Variants in FBXO38 observed in about 807,000 individuals in gnomAD.
The protein encoded by FBXO38 is F-box only protein 38.
A neutral mutation model predicts 131.9 loss-of-function variants in FBXO38; 53 were observed. That is an observed-to-expected ratio of 0.40 (90% confidence interval 0.32 to 0.51). The LOEUF (loss-of-function observed/expected upper bound fraction) is 0.51. Ranked by LOEUF, FBXO38 falls within the 20% of genes least tolerant of loss-of-function variation. FBXO38 has a pLI of 0.53. For missense variants in FBXO38, 1,076 were observed against 1,475.6 expected (o/e 0.73, Z 4.44); for synonymous variants, 452 against 505.6 (o/e 0.89, Z 1.42).
chr5:148,414,080 C>T (rs2113576511), intron 9 of FBXO38, 56 bp from the exon 10 acceptor site: 3 of 1,522,596 alleles, frequency 2.0e-6, no homozygotes, highest in South Asian at 1.3e-5. Flanking sequence ...GTTGGTAACA[C>T]TCCCTAACAC....
intron 12 of FBXO38, among the ~76,000 whole-genome samples, chr5:148,421,569 A>C (rs949135536): frequency 5.3e-5 from 8 of 152,158 alleles, no homozygotes; most frequent in Non-Finnish European, 1.0e-4. Flanking sequence ...ATAACATTTC[A>C]GCTAAACAAA....
chr5:148,418,666 A>G (rs574076770), intron 12 of FBXO38, among the ~76,000 whole-genome samples: 1 of 152,324 alleles, frequency 6.6e-6, no homozygotes, highest in African/African-American at 2.4e-5. Context: ...AAAGATCTGC[A>G]CTTCAGAGGA....
chr5:148,419,383 T>TAG (rs1468165434), intron 12 of FBXO38, among the ~76,000 whole-genome samples: 20 of 152,170 alleles, frequency 1.3e-4, no homozygotes, highest in Non-Finnish European at 2.8e-4. Flanking sequence ...TAGATTTTTT[T>TAG]TTCCCGCAAA....
intron 7 of FBXO38, among the ~76,000 whole-genome samples, chr5:148,406,611 G>A (rs1274709858): frequency 6.6e-6 from 1 of 152,092 alleles, no homozygotes; most frequent in African/African-American, 2.4e-5. Flanking sequence ...ACAGTAGAGT[G>A]ATAAGACATG....
rs1408613042 is a variant in FBXO38, at chr5:148,433,414, C to G, written c.2654-10C>G. On this transcript the variant is annotated splice_polypyrimidine_tract_variant and intron_variant, in intron 15 of 21. Transcript: ENST00000340253. ...AAAATTTGGATTTTCTTTTTTTTTG[C>G]CTTTTTTAGAAGTAGCCAAAACAAA... is the stretch of plus-strand genomic sequence containing the variant. 6.3e-7 allele frequency: 1 copy of G among 1,591,844 alleles called. No individual in the cohort carries two copies. Among genetic ancestry groups the G allele is most frequent in the Non-Finnish European group, 8.5e-7 (1 of 1,170,598 alleles).
chr5:148,414,955 A>G (rs1034743106), intron 10 of FBXO38, among the ~76,000 whole-genome samples: 1 of 152,164 alleles, frequency 6.6e-6, no homozygotes, highest in Non-Finnish European at 1.5e-5. Context: ...AAAGCCTCTC[A>G]CTGACACCTA....
At chr5:148,439,538 C>T (rs1754550870) in intron 18 of FBXO38, 109 bp from the exon 19 acceptor site, 1 of 1,016,750 alleles carries the variant, frequency 9.8e-7, no homozygotes, top group Admixed American at 2.4e-5. Flanking sequence ...TTCAAATCAG[C>T]CAGAGATTTC....
chr5:148,415,957 A>G lies in FBXO38; in HGVS notation c.1294A>G (p.Ile432Val). The G allele has an allele frequency of 2.5e-6, 4 of 1,613,724 alleles. No individual in the cohort carries two copies. Among genetic ancestry groups the G allele is most frequent in the South Asian group, 1.1e-5 (1 of 91,060 alleles). ...DHSRWTRLVD[I>V]NLVRCHALKL... is the part of the protein sequence containing the mutation. ...CTCAAGATGGACTCGATTGGTTGAT[A>G]TCAACCTAGTACGGTGCCATGCTTT... The change falls in exon 11 of 22, where the codon ATC (isoleucine) becomes GTC (valine). Residue 432 changes from isoleucine to valine, a missense_variant. By Grantham distance (29) the Ile-to-Val change is conservative. This residue lies in a region of FBXO38 where 146 missense variants were observed against 274.3 expected (regional missense o/e 0.53). Coordinates refer to ENST00000340253, the MANE Select transcript of FBXO38 (RefSeq NM_205836.3).
intron 2 of FBXO38, among the ~76,000 whole-genome samples, chr5:148,397,224 TG>T (rs1758527727): frequency 6.6e-6 from 1 of 152,172 alleles, no homozygotes; most frequent in Admixed American, 6.6e-5. Context: ...ACCTAATCTT[TG>T]CTGTCCCTGC....
intron 1 of FBXO38, among the ~76,000 whole-genome samples, chr5:148,388,954 G>A (rs2113480939): frequency 6.6e-6 from 1 of 152,306 alleles, no homozygotes; most frequent in Middle Eastern, 3.4e-3. Flanking sequence ...TCTTGGTTTT[G>A]ATTTAAAGTG....
At chr5:148,421,157 G>A (rs1289580746) in intron 12 of FBXO38, among the ~76,000 whole-genome samples, 2 of 152,056 alleles carry the variant, frequency 1.3e-5, no homozygotes, top group African/African-American at 4.8e-5. Flanking sequence ...TAGCAGAGAT[G>A]GGGTTTCACT....
chr5:148,402,902 CACAG>C (rs1262748839), intron 5 of FBXO38, among the ~76,000 whole-genome samples: 221 of 151,490 alleles, frequency 1.5e-3, no homozygotes, highest in African/African-American at 5.2e-3. Flanking sequence ...CACACACATA[CACAG>C]AGAGAGAGAG....
chr5:148,388,630 G>T (rs1452796327), intron 1 of FBXO38, among the ~76,000 whole-genome samples: 1 of 152,164 alleles, frequency 6.6e-6, no homozygotes, highest in African/African-American at 2.4e-5. Context: ...CCCTCTGCTA[G>T]CTTTCAACTT....
intron 8 of FBXO38, 136 bp downstream of exon 8, chr5:148,409,353 G>T: frequency 1.5e-6 from 1 of 650,084 alleles, no homozygotes; most frequent in Non-Finnish European, 2.8e-6. Context: ...AAAATACGAA[G>T]AAGTCCAAAT....
chr5:148,436,945 T>TA (rs1302121255), intron 17 of FBXO38, among the ~76,000 whole-genome samples: 1 of 152,254 alleles, frequency 6.6e-6, no homozygotes, highest in Admixed American at 6.5e-5. Context: ...ACCCTAGCCT[T>TA]ACAGTAGCAC....
At chr5:148,440,847 T>C (rs1264965474) in intron 20 of FBXO38, among the ~76,000 whole-genome samples, 4 of 152,226 alleles carry the variant, frequency 2.6e-5, no homozygotes, top group African/African-American at 4.8e-5. Flanking sequence ...CCTACAGTTC[T>C]TCAAAATATG....
intron 17 of FBXO38, among the ~76,000 whole-genome samples, chr5:148,436,528 A>G (rs1294531690): frequency 1.3e-5 from 2 of 152,188 alleles, no homozygotes; most frequent in Non-Finnish European, 2.9e-5. Flanking sequence ...CTGAAATCTA[A>G]AACACTTCTG....
At chr5:148,420,644 C>G (rs767980566) in intron 12 of FBXO38, among the ~76,000 whole-genome samples, 2 of 152,064 alleles carry the variant, frequency 1.3e-5, no homozygotes, top group Non-Finnish European at 2.9e-5. Context: ...GCGTCATTCC[C>G]TCATCCCTCC....
intron 12 of FBXO38, among the ~76,000 whole-genome samples, chr5:148,418,784 A>G (rs1454495458): frequency 1.3e-5 from 2 of 152,246 alleles, no homozygotes; most frequent in Non-Finnish European, 2.9e-5. Flanking sequence ...CTTCACTGGA[A>G]GATTACTTTG....
Sources: gnomAD v4.1 joint callset for allele counts (sites outside exome capture counted in the v4.1 genomes callset) on GRCh38, gnomAD v4.1.1 for gene constraint, gnomAD v4.1.1 regional missense constraint, MANE v1.5 for transcripts, NCBI Gene and HGNC (gene_info 2026-07-23, HGNC 2026-07-21) for gene names.